Variants in NAALADL2 observed in about 807,000 individuals in gnomAD.
The protein encoded by NAALADL2 is N-acetylated alpha-linked acidic dipeptidase like 2.
A neutral mutation model predicts 87.2 loss-of-function variants in NAALADL2; 76 were observed. That is an observed-to-expected ratio of 0.87 (90% confidence interval 0.72 to 1.05). NAALADL2 has a LOEUF of 1.05. Ranked by LOEUF, NAALADL2 falls within the 50% of genes least tolerant of loss-of-function variation. The pLI is 0.00. For synonymous variants in NAALADL2, 354 were observed against 331.0 expected, an observed-to-expected ratio of 1.07 and a Z score of -0.75; for missense variants, 1,089 against 945.8, an observed-to-expected ratio of 1.15 and a Z score of -1.99.
At chr3:174,683,225 A>G (rs1727717468) in intron 2 of NAALADL2, among the ~76,000 whole-genome samples, 1 of 152,192 alleles carries the variant, frequency 6.6e-6, no homozygotes, top group Non-Finnish European at 1.5e-5. Flanking sequence ...ACAAAAGAAA[A>G]AAGAATAAAA....
At chr3:175,205,894 G>A (rs548894811) in intron 2 of NAALADL2, among the ~76,000 whole-genome samples, 102 of 151,632 alleles carry the variant, frequency 6.7e-4, no homozygotes, top group African/African-American at 2.1e-3. Flanking sequence ...AAACCATCAC[G>A]CGCTACCACC....
At chr3:175,438,177 A>T (rs1719061276) in intron 5 of NAALADL2, among the ~76,000 whole-genome samples, 1 of 152,146 alleles carries the variant, frequency 6.6e-6, no homozygotes, top group African/African-American at 2.4e-5. Flanking sequence ...CATAGCACAA[A>T]GCATTTTTAA....
intron 1 of NAALADL2, among the ~76,000 whole-genome samples, chr3:174,926,029 A>G (rs965671912): frequency 6.6e-6 from 1 of 152,216 alleles, no homozygotes; most frequent in African/African-American, 2.4e-5. Context: ...GATAGAGCTG[A>G]AAACCATGGC....
At chr3:175,729,326 T>C (rs966404230) in intron 11 of NAALADL2, among the ~76,000 whole-genome samples, 1 of 152,178 alleles carries the variant, frequency 6.6e-6, no homozygotes, top group Non-Finnish European at 1.5e-5. Flanking sequence ...TCATGATTCA[T>C]CTACTATTTG....
chr3:175,667,504 T>C (rs1354857644), intron 11 of NAALADL2, among the ~76,000 whole-genome samples: 3 of 152,158 alleles, frequency 2.0e-5, no homozygotes, highest in Non-Finnish European at 4.4e-5. Flanking sequence ...GGAGTTGTAC[T>C]CTGTTGCTGT....
chr3:175,788,351 A>G (rs1049153324), intron 13 of NAALADL2, among the ~76,000 whole-genome samples: 18 of 152,198 alleles, frequency 1.2e-4, no homozygotes, highest in African/African-American at 3.9e-4. Context: ...TCAGCCTCCC[A>G]AAGTCCTAGG....
intron 1 of NAALADL2, among the ~76,000 whole-genome samples, chr3:174,442,102 G>C (rs1286724008): frequency 6.6e-6 from 1 of 152,088 alleles, no homozygotes; most frequent in African/African-American, 2.4e-5. Flanking sequence ...ATTTGGTAAC[G>C]GTTCTTTGTC....
chr3:175,474,279 T>A (rs1185043343), intron 9 of NAALADL2, among the ~76,000 whole-genome samples: 1 of 152,208 alleles, frequency 6.6e-6, no homozygotes, highest in African/African-American at 2.4e-5. Context: ...TTTAAATACA[T>A]AAGATGAAAT....
At chr3:175,574,876 G>A (rs570202432) in intron 9 of NAALADL2, among the ~76,000 whole-genome samples, 4 of 152,152 alleles carry the variant, frequency 2.6e-5, no homozygotes, top group African/African-American at 7.2e-5. Context: ...TACTTTATGC[G>A]CTTGTTATGA....
intron 1 of NAALADL2, among the ~76,000 whole-genome samples, chr3:175,016,826 A>G (rs896757502): frequency 3.3e-5 from 5 of 151,930 alleles, no homozygotes; most frequent in African/African-American, 1.2e-4. Flanking sequence ...TTCAGGGTAC[A>G]TGGTGATATT....
intron 9 of NAALADL2, among the ~76,000 whole-genome samples, chr3:175,511,410 T>C (rs1194177119): frequency 1.3e-5 from 2 of 152,130 alleles, no homozygotes; most frequent in African/African-American, 4.8e-5. Flanking sequence ...AGCAGAGGAA[T>C]TTGGACATAC....
At chr3:174,816,485 G>A (rs373901188) in intron 3 of NAALADL2, among the ~76,000 whole-genome samples, 2 of 141,804 alleles carry the variant, frequency 1.4e-5, no homozygotes, top group Non-Finnish European at 3.0e-5. Context: ...ATAAATACAC[G>A]CATATATATA....
intron 10 of NAALADL2, among the ~76,000 whole-genome samples, chr3:175,585,971 C>T (rs73171405): frequency 0.13 from 19,797 of 152,052 alleles, 1,424 homozygotes; most frequent in Middle Eastern, 0.18. Flanking sequence ...ATTTTGGAAA[C>T]TAATTTAGAT....
intron 1 of NAALADL2, among the ~76,000 whole-genome samples, chr3:174,934,539 C>T (rs914897441): frequency 2.0e-5 from 3 of 151,932 alleles, no homozygotes; most frequent in Non-Finnish European, 2.9e-5. Flanking sequence ...GTGCCGAGCG[C>T]GGTGGGTCAT....
chr3:174,998,590 C>G (rs990006135), intron 1 of NAALADL2, among the ~76,000 whole-genome samples: 1 of 152,092 alleles, frequency 6.6e-6, no homozygotes, highest in African/African-American at 2.4e-5. Flanking sequence ...CATTAATGTT[C>G]AAATCCATGT....
intron 2 of NAALADL2, among the ~76,000 whole-genome samples, chr3:175,171,180 T>G (rs548468186): frequency 2.6e-5 from 4 of 152,056 alleles, no homozygotes; most frequent in Non-Finnish European, 4.4e-5. Flanking sequence ...GGTCAGGTGC[T>G]ATTATTCTGC....
In NAALADL2 at chr3:175,583,006, A is replaced by T. The variant is rs1003534886; in HGVS notation, c.1800+6819A>T. On this transcript the variant is annotated intron_variant, in intron 10 of 13. Coordinates refer to ENST00000454872, the MANE Select transcript of NAALADL2 (RefSeq NM_207015.3). ...TCTATACAGATGCTACTCGACTTACAGTGGGGTTACAGCCCAATAAACCCA... is the reference window on the plus strand; with the variant it reads ...TCTATACAGATGCTACTCGACTTACTGTGGGGTTACAGCCCAATAAACCCA... 6.0e-4 allele frequency among the ~76,000 whole-genome samples: 87 copies of T among 145,594 alleles called. 1 individual carries two copies. Among genetic ancestry groups the T allele is most frequent in the African/African-American group, 2.0e-3 (83 of 41,100 alleles).
intron 1 of NAALADL2, among the ~76,000 whole-genome samples, chr3:175,083,823 C>T (rs781447445): frequency 1.3e-5 from 2 of 152,142 alleles, no homozygotes; most frequent in African/African-American, 4.8e-5. Context: ...ACCCAAAATT[C>T]TATACTTTCT....
At chr3:174,723,695 G>T (rs544838455) in intron 2 of NAALADL2, among the ~76,000 whole-genome samples, 8 of 138,196 alleles carry the variant, frequency 5.8e-5, no homozygotes, top group African/African-American at 2.2e-4. Flanking sequence ...GGCGGAGCTC[G>T]CAGTGAGCAG....
Sources: gnomAD v4.1 joint callset for allele counts (sites outside exome capture counted in the v4.1 genomes callset) on GRCh38, gnomAD v4.1.1 for gene constraint, MANE v1.5 for transcripts, NCBI Gene and HGNC (gene_info 2026-07-23, HGNC 2026-07-21) for gene names.